EIF3C: variants seen among roughly 807,000 people sequenced by gnomAD.
The protein encoded by EIF3C is eukaryotic translation initiation factor 3 subunit C, also known as cell migration-inducing protein 17.
EIF3C carries 2 observed loss-of-function variants against 11.1 expected under a neutral mutation model. The ratio of observed to expected loss-of-function variants is 0.18; its 90% CI spans 0.07 to 0.57. The LOEUF (loss-of-function observed/expected upper bound fraction) is 0.57. Among genes scored for constraint, EIF3C ranks in the 20% least tolerant of loss-of-function variants. EIF3C has a pLI of 0.92. For synonymous variants in EIF3C, 2 were observed against 41.5 expected, an observed-to-expected ratio of 0.05 and a Z score of 3.66; for missense variants, 16 against 114.6, an observed-to-expected ratio of 0.14 and a Z score of 3.93.
chr16:28,703,610 C>A, intron 1 of EIF3C, among the ~76,000 whole-genome samples: 1 of 121,380 alleles, frequency 8.2e-6, no homozygotes, highest in Non-Finnish European at 1.7e-5. Context: ...TGGTGGCTCA[C>A]ACCTGTAATC....
rs973611084 is a variant in EIF3C at position 28,712,307 on chromosome 16, T to C, written c.101+520T>C. ...TTTACCCTTTGGAACAATAGAATGG[T>C]TTTTCTTTTTCCTTTTTTTTTTCTT... On this transcript the variant is annotated intron_variant, in intron 2 of 20. Coordinates refer to ENST00000331666, the MANE Select transcript of EIF3C (RefSeq NM_003752.5). 4 of 63,310 alleles carry C rather than the reference T, an allele frequency of 6.3e-5. 1 individual carries two copies. Among genetic ancestry groups the C allele is most frequent in the African/African-American group, 2.2e-4 (4 of 18,172 alleles). The allele number at this position is 63,310 out of a possible 1,614,324, so 3.9% of individuals were successfully genotyped here. A position where few individuals can be genotyped will look rare whatever the true frequency, so the allele number is the denominator to read the frequency against.
rs28695500 is a variant in EIF3C, at chr16:28,699,399, C to T, written c.-31+10571C>T. ...ATCAGGCAGGGAGGTTGCAGTGAGC[C>T]GAGATGGCAGCACTACAGTCCAGCT... is the stretch of plus-strand genomic sequence containing the variant. On this transcript the variant is annotated intron_variant, in intron 1 of 20. Coordinates refer to the EIF3C transcript ENST00000566501. 2.2e-4 allele frequency among the ~76,000 whole-genome samples: 21 copies of T among 96,446 alleles called. 1 individual carries two copies. The South Asian group carries it at 6.6e-3, about 30-fold the overall frequency. The allele number at this position is 96,446 out of a possible 152,430, so 63.3% of individuals were successfully genotyped here. A position where few individuals can be genotyped will look rare whatever the true frequency, so the allele number is the denominator to read the frequency against.
At chr16:28,722,974 A>G (rs1211214389) in intron 8 of EIF3C, 190 bp from the exon 9 acceptor site, 2 of 696,258 alleles carry the variant, frequency 2.9e-6, no homozygotes, top group African/African-American at 3.7e-5. Context: ...ATATGTCTAC[A>G]GTGGCCTGGT....
At chr16:28,689,479 T>C (rs2048211342) in intron 1 of EIF3C, among the ~76,000 whole-genome samples, 1 of 48,916 alleles carries the variant, frequency 2.0e-5, no homozygotes, top group South Asian at 6.7e-4. Flanking sequence ...ATCTGTGATG[T>C]GCTGTGGCAT....
At chr16:28,713,021 C>CA (rs2048317757) in intron 2 of EIF3C, among the ~76,000 whole-genome samples, 1 of 145,572 alleles carries the variant, frequency 6.9e-6, no homozygotes, top group African/African-American at 2.6e-5. Context: ...TAAAATAATC[C>CA]AAAAAATAAT....
chr16:28,729,100 G>A (rs1372952148), intron 15 of EIF3C, among the ~76,000 whole-genome samples: 3 of 28,924 alleles, frequency 1.0e-4, no homozygotes, highest in African/African-American at 3.9e-4. Context: ...TTTTGGAGAC[G>A]GAGTCTCGCT....
chr16:28,696,364 TAAAA>T (rs536758803), intron 1 of EIF3C, among the ~76,000 whole-genome samples: 3 of 20,676 alleles, frequency 1.5e-4, no homozygotes, highest in Admixed American at 5.7e-4. Context: ...AAACTGTGTC[TAAAA>T]AAAAAAAAAA....
chr16:28,697,858 C>A (rs1391192201), intron 1 of EIF3C, among the ~76,000 whole-genome samples: 1 of 91,618 alleles, frequency 1.1e-5, no homozygotes, highest in African/African-American at 5.9e-5. Context: ...GGGCGGCTGG[C>A]CGGGCGGGGG....
In EIF3C at chr16:28,699,691, G is replaced by A. The variant is rs1337567218; in HGVS notation, c.-31+10863G>A. On this transcript the variant is annotated intron_variant, in intron 1 of 20. Coordinates refer to the EIF3C transcript ENST00000566501. ...ACCAAGTATCTGGGACTACAGGCAGGTGCCACCATGCCCGGCTAATTTTTG... is the reference window on the plus strand; with the variant it reads ...ACCAAGTATCTGGGACTACAGGCAGATGCCACCATGCCCGGCTAATTTTTG... Among the ~76,000 whole-genome samples, 4 of 76,194 alleles carry A rather than the reference G, an allele frequency of 5.2e-5. 1 individual carries two copies. The highest frequency in any genetic ancestry group is 1.2e-4 in the African/African-American group (2 of 17,186). The allele number at this position is 76,194 out of a possible 152,430, so 50.0% of individuals were successfully genotyped here.
chr16:28,701,017 C>T (rs1343198782), intron 1 of EIF3C: 2 of 133,754 alleles, frequency 1.5e-5, no homozygotes, highest in Non-Finnish European at 2.6e-5. Flanking sequence ...TCTCCTGCCT[C>T]AGCCTCCCGA....
intron 1 of EIF3C, among the ~76,000 whole-genome samples, chr16:28,703,881 T>TAA (rs2048286777): frequency 6.6e-5 from 1 of 15,088 alleles, no homozygotes. Context: ...TGAGACTCCA[T>TAA]CAAAAAAAAA....
chr16:28,699,448 C>T (rs1428145688), intron 1 of EIF3C, among the ~76,000 whole-genome samples: 3 of 95,454 alleles, frequency 3.1e-5, no homozygotes, highest in Non-Finnish European at 5.9e-5. Flanking sequence ...AGAGGGAGAC[C>T]GTGGGGAGAG....
chr16:28,728,822 C>G (rs1300814016), intron 15 of EIF3C, among the ~76,000 whole-genome samples: 1 of 27,308 alleles, frequency 3.7e-5, no homozygotes, highest in Non-Finnish European at 9.4e-5. Context: ...GCCACCGCAA[C>G]CGGCCACTCA....
chr16:28,698,628 T>A (rs1346606000), intron 1 of EIF3C, among the ~76,000 whole-genome samples: 1 of 87,998 alleles, frequency 1.1e-5, no homozygotes, highest in Non-Finnish European at 2.0e-5. Context: ...CACTCCTCAC[T>A]TCCCAGATGG....
rs377395561 is a variant in EIF3C, at chr16:28,696,926, G to T, written c.-31+8098G>T. Among the ~76,000 whole-genome samples, 1,618 of 49,828 alleles carry T rather than the reference G, an allele frequency of 0.032. 688 individuals carry two copies. In the East Asian group the frequency reaches 0.35, roughly 11 times the overall value. 32.7% of individuals were successfully genotyped at this position (49,828 alleles called of 152,430 possible). ...TGGTTTGGGTTTTTTACCCCGCACA[G>T]AGGCTGGGATTCTTTTTTATAGCAT... On this transcript the variant is annotated intron_variant, in intron 1 of 20. Coordinates refer to the EIF3C transcript ENST00000566501.
At chr16:28,729,886 G>A (rs2048423828) in intron 15 of EIF3C, among the ~76,000 whole-genome samples, 2 of 150,456 alleles carry the variant, frequency 1.3e-5, no homozygotes, top group Admixed American at 6.6e-5. Context: ...CTTGAGCTCA[G>A]GAGGTCGAGG....
At position 28,691,182 on chromosome 16, in the gene EIF3C, T is replaced by A. The variant is rs866591416; in HGVS notation, c.-31+2354T>A. Among the ~76,000 whole-genome samples, 155 of 38,680 alleles carry A rather than the reference T, an allele frequency of 4.0e-3. 46 individuals are homozygous for A. The highest frequency in any genetic ancestry group is 0.018 in the Middle Eastern group (2 of 112). 25.4% of individuals were successfully genotyped at this position (38,680 alleles called of 152,430 possible). ...AGAGCAAGACTCCGTCTCAAAAAAA[T>A]ATATATATATATAATATATATATTA... is the stretch of plus-strand genomic sequence containing the variant. On this transcript the variant is annotated intron_variant, in intron 1 of 20. Transcript: ENST00000566501.
intron 1 of EIF3C, among the ~76,000 whole-genome samples, chr16:28,698,245 G>A (rs1162738372): frequency 3.2e-5 from 4 of 125,606 alleles, no homozygotes; most frequent in Non-Finnish European, 6.9e-5. Flanking sequence ...GCGGCTGGCC[G>A]GGTGGGGGGG....
chr16:28,718,593 C>A (rs1422617083), intron 8 of EIF3C, among the ~76,000 whole-genome samples: 1 of 56,272 alleles, frequency 1.8e-5, no homozygotes. Flanking sequence ...ACATGACATA[C>A]AATAACTGCA....
Sources: gnomAD v4.1 joint callset for allele counts (sites outside exome capture counted in the v4.1 genomes callset) on GRCh38, gnomAD v4.1.1 for gene constraint, MANE v1.5 for transcripts, NCBI Gene and HGNC (gene_info 2026-07-23, HGNC 2026-07-21) for gene names.